The following DHX38 variants were observed in gnomAD, a reference collection of about 807,000 sequenced individuals.
The protein encoded by DHX38 is DEAH-box helicase 38, also known as pre-mRNA-splicing factor ATP-dependent RNA helicase PRP16.
DHX38 carries 100 observed loss-of-function variants against 153.1 expected under a neutral mutation model. The observed-to-expected ratio is 0.65, with a 90% CI of 0.56 to 0.77. The LOEUF is 0.77. DHX38 is among the 30% of genes least tolerant of loss of function. DHX38 has a pLI of 0.00. For missense variants in DHX38, 1,440 were observed against 1,654.0 expected (o/e 0.87, Z 2.24); for synonymous variants, 650 against 631.7 (o/e 1.03, Z -0.43).
rs1292750525 is a variant in DHX38, at chr16:72,107,799, G to C, written c.2964G>C (p.Lys988Asn). The change falls in exon 21 of 27, where the codon AAG becomes AAC. Residue 988 changes from lysine to asparagine, a missense_variant and splice_region_variant. Around this residue, in one of 6 missense-constraint regions of DHX38, gnomAD observed 543 missense variants for 717.9 expected, o/e 0.76. Transcript: ENST00000268482. The surrounding 1 kb of genome is among the most constrained non-coding windows in gnomAD (Gnocchi z 5.3). Reference protein sequence around the residue: ...LSVPAIFYRPKGREEESDQIR... With the variant: ...LSVPAIFYRPNGREEESDQIR... ...TCCCAGCCATCTTCTACAGGCCCAA[G>C]GTGGGGCAGCGGCTGGCTCCCCTCT... is the stretch of plus-strand genomic sequence containing the variant. 6.2e-7 allele frequency: 1 copy of C among 1,612,926 alleles called. No individual in the cohort carries two copies. Among genetic ancestry groups the C allele is most frequent in the Non-Finnish European group, 8.5e-7 (1 of 1,179,740 alleles).
Position 72,096,922 on chromosome 16 carries a change from C to T in DHX38, c.424C>T (p.His142Tyr), listed in dbSNP as rs2042028781. The T allele has an allele frequency of 6.2e-7, 1 of 1,613,978 alleles. No homozygotes were observed. Among genetic ancestry groups the T allele is most frequent in the Non-Finnish European group, 8.5e-7 (1 of 1,179,956 alleles). ...GCAGAGAGAGCGGGAGCGGCGGGAA[C>T]ATGGTGTCTATGCCTCGTCCAAAGA... ...SRQRERERRE[H>Y]GVYASSKEEK... Residue 142 changes from histidine (H) to tyrosine (Y), a missense_variant, in exon 3 of 27, where the codon CAT becomes TAT. By Grantham distance (83) the His-to-Tyr change is moderately conservative. This residue lies in a region of DHX38 where 483 missense variants were observed against 465.1 expected (regional missense o/e 1.04). Coordinates refer to ENST00000268482, the MANE Select transcript of DHX38 (RefSeq NM_014003.4).
rs74027812 is a variant in DHX38 at position 72,104,336 on chromosome 16, C to A, written c.2011-150C>A. The A allele has an allele frequency of 2.2e-3, 2,706 of 1,243,266 alleles. 26 individuals carry two copies. Among genetic ancestry groups the A allele is most frequent in the African/African-American group, 0.017 (1,143 of 66,150 alleles). The allele number at this position is 1,243,266 out of a possible 1,614,324, so 77.0% of individuals were successfully genotyped here. The stretch of plus-strand genomic sequence containing the variant: ...GCTTGGGGTTTTCTGGGCAGTGGCT[C>A]CATTGCTTCAGTCTTCATGATTGGT... On this transcript the variant is annotated intron_variant, in intron 14 of 26. Coordinates refer to ENST00000268482, the MANE Select transcript of DHX38 (RefSeq NM_014003.4). The surrounding 1 kb of genome is among the most constrained non-coding windows in gnomAD (Gnocchi z 4.5).
rs534084121 is a variant in DHX38, at chr16:72,104,456, T to C, written c.2011-30T>C. 1.9e-6 allele frequency: 3 copies of C among 1,611,144 alleles called. No homozygotes were observed. The highest frequency in any genetic ancestry group is 2.2e-5 in the East Asian group (1 of 44,850). ...GGACAGGAGCCAAGGGTCCCCACCA[T>C]GGGGGCCTCCGAGCCGCCTCTTCTC... On this transcript the variant is annotated intron_variant, in intron 14 of 26. Transcript: ENST00000268482. The surrounding 1 kb of genome is among the most constrained non-coding windows in gnomAD (Gnocchi z 4.5).
At chr16:72,105,436 T>C (rs551606076) in intron 17 of DHX38, 81 bp from the exon 18 acceptor site, 105 of 1,596,818 alleles carry the variant, frequency 6.6e-5, no homozygotes, top group Non-Finnish European at 8.4e-5. Flanking sequence ...GGGGGTGGGC[T>C]AGGAGGTAGG....
Position 72,096,218 on chromosome 16 carries a change from C to A in DHX38, c.61C>A (p.Gln21Lys). 6.2e-7 allele frequency: 1 copy of A among 1,614,078 alleles called. No homozygotes were observed. The highest frequency in any genetic ancestry group is 1.1e-5 in the South Asian group (1 of 91,076). Reference sequence around the variant, plus strand: ...ATTGGAAGGCACTGATCTGGACTGTCAGGTTGGTGGTCTTATTTGCAAGTC... The same window carrying A: ...ATTGGAAGGCACTGATCTGGACTGTAAGGTTGGTGGTCTTATTTGCAAGTC... ...HRLEGTDLDC[Q>K]VGGLICKSKS... The change falls in exon 2 of 27, where the codon CAG (glutamine) becomes AAG (lysine). Residue 21 changes from glutamine (Q) to lysine (K), a missense_variant. Coordinates refer to ENST00000268482, the MANE Select transcript of DHX38 (RefSeq NM_014003.4).
At position 72,108,559 on chromosome 16, in the gene DHX38, C is replaced by T; in HGVS notation, c.3207C>T (p.Val1069=). ...CGTGTGGCACTGACTGGGACATCGT[C>T]AGGAAGTGCATCTGTGCTGCCTATT... ...LASCGTDWDI[V]RKCICAAYFH... The change falls in exon 23 of 27, where the codon GTC becomes GTT. Residue 1069 remains valine (V), a synonymous_variant. Transcript: ENST00000268482. 6.2e-7 allele frequency: 1 copy of T among 1,614,156 alleles called. No homozygotes were observed. Among genetic ancestry groups the T allele is most frequent in the Non-Finnish European group, 8.5e-7 (1 of 1,180,032 alleles).
intron 4 of DHX38, 80 bp downstream of exon 4, chr16:72,097,861 T>G (rs2042043439): frequency 7.6e-7 from 1 of 1,324,344 alleles, no homozygotes; most frequent in Admixed American, 2.0e-5. Flanking sequence ...TCAGTGAGAT[T>G]GCTGAGGCAT....
chr16:72,107,923 T>C lies in DHX38; in HGVS notation c.2964+124T>C. On this transcript the variant is annotated intron_variant, in intron 21 of 26. Coordinates refer to ENST00000268482, the MANE Select transcript of DHX38 (RefSeq NM_014003.4). This position sits in a 1 kb window ranked among gnomAD's most constrained non-coding sequence, Gnocchi z 5.3. ...GAATCAGAGTTTCTGAAGAATGATT[T>C]TGCTGTTCTCGGTTAAGCAGGTTGG... The C allele has an allele frequency of 7.2e-7, 1 of 1,384,824 alleles. No individual in the cohort carries two copies. The highest frequency in any genetic ancestry group is 9.7e-7 in the Non-Finnish European group (1 of 1,035,806). 85.8% of individuals were successfully genotyped at this position (1,384,824 alleles called of 1,614,324 possible).
chr16:72,111,867 C>T (rs1219566496), intron 26 of DHX38, among the ~76,000 whole-genome samples: 2 of 152,228 alleles, frequency 1.3e-5, no homozygotes, highest in African/African-American at 4.8e-5. Flanking sequence ...CCCCCCTCCT[C>T]CCCAGAGGTG....
intron 3 of DHX38, 192 bp from the exon 4 acceptor site, chr16:72,097,485 A>G (rs376462739): frequency 2.4e-5 from 13 of 542,680 alleles, no homozygotes; most frequent in African/African-American, 1.1e-4. Flanking sequence ...TGGGTTTGAA[A>G]TTTTCTAGGC....
chr16:72,102,816 G>A (rs1416608132), intron 11 of DHX38, among the ~76,000 whole-genome samples: 3 of 152,220 alleles, frequency 2.0e-5, no homozygotes, highest in African/African-American at 7.2e-5. Flanking sequence ...CTAATATGGT[G>A]ATCTGTAAAT....
chr16:72,099,708 C>G, intron 7 of DHX38, 24 bp from the exon 8 acceptor site: 1 of 1,613,412 alleles, frequency 6.2e-7, no homozygotes, highest in Non-Finnish European at 8.5e-7. Flanking sequence ...CCCTCACTCC[C>G]TTGCTTTGCC....
At position 72,107,268 on chromosome 16, in the gene DHX38, T is replaced by C; in HGVS notation, c.2601-72T>C. 6.9e-7 allele frequency: 1 copy of C among 1,457,418 alleles called. No individual in the cohort carries two copies. Among genetic ancestry groups the C allele is most frequent in the South Asian group, 1.3e-5 (1 of 76,922 alleles). 90.3% of individuals were successfully genotyped at this position (1,457,418 alleles called of 1,614,324 possible). ...AAGAAATGAGAATTTCCTCCCTCCC[T>C]GTGGGATTTCATCTGTACTGGCTGC... On this transcript the variant is annotated intron_variant, in intron 19 of 26. Transcript: ENST00000268482. This position sits in a 1 kb window ranked among gnomAD's most constrained non-coding sequence, Gnocchi z 5.3.
rs757877528 is a variant in DHX38, at chr16:72,111,009, G to A, written c.3531G>A (p.Ala1177=). 2.3e-4 allele frequency: 358 copies of A among 1,585,716 alleles called. 1 individual carries two copies. The highest frequency in any genetic ancestry group is 2.8e-4 in the Non-Finnish European group (327 of 1,165,936). Residue 1177 remains alanine, a synonymous_variant, in exon 26 of 27, where the codon GCG becomes GCA. Coordinates refer to ENST00000268482, the MANE Select transcript of DHX38 (RefSeq NM_014003.4). The part of the protein sequence containing the change: ...EEASAMEEEM[A]LAEEQLRARR... The stretch of plus-strand genomic sequence containing the variant: ...CCTCTGCCATGGAGGAGGAGATGGC[G>A]CTGGCCGAGGAGCAGCTGCGAGCCC...
At position 72,103,615 on chromosome 16, in the gene DHX38, G is replaced by A. The variant is rs748565651; in HGVS notation, c.1651G>A (p.Val551Met). ...TTGTCCTTGTAGAGACAACAGCATC[G>A]TGATCGTGGTTGGGGAGACGGGGAG... The part of the protein sequence containing the change: ...LLTIIRDNSI[V>M]IVVGETGSGK... Residue 551 changes from valine (V) to methionine (M), a missense_variant, in exon 13 of 27, where the codon GTG becomes ATG. Physicochemically the swap from Val to Met is conservative, Grantham distance 21 (BLOSUM62 1). This residue lies in a region of DHX38 where 241 missense variants were observed against 229.5 expected (regional missense o/e 1.05). Transcript: ENST00000268482. 3.7e-6 allele frequency: 6 copies of A among 1,608,976 alleles called. No individual in the cohort carries two copies. The highest frequency in any genetic ancestry group is 5.1e-6 in the Non-Finnish European group (6 of 1,175,614).
At chr16:72,108,995 C>T (rs993931872) in intron 24 of DHX38, 70 bp downstream of exon 24, 2 of 1,521,190 alleles carry the variant, frequency 1.3e-6, no homozygotes, top group African/African-American at 1.4e-5. Context: ...CCCTTCACTG[C>T]GTTCTGGCAT....
At chr16:72,098,289 C>T (rs532685538) in intron 4 of DHX38, among the ~76,000 whole-genome samples, 22 of 152,036 alleles carry the variant, frequency 1.4e-4, no homozygotes, top group Admixed American at 5.9e-4. Flanking sequence ...AAAAATTAGC[C>T]TGGGGTGGTG....
Position 72,104,827 on chromosome 16 carries a change from C to A in DHX38, c.2152-200C>A, listed in dbSNP as rs562907494. 3.9e-5 allele frequency among the ~76,000 whole-genome samples: 6 copies of A among 152,266 alleles called. No individual in the cohort carries two copies. The East Asian group carries it at 5.8e-4, about 15-fold the overall frequency. On this transcript the variant is annotated intron_variant, in intron 15 of 26. Coordinates refer to ENST00000268482, the MANE Select transcript of DHX38 (RefSeq NM_014003.4). This position sits in a 1 kb window ranked among gnomAD's most constrained non-coding sequence, Gnocchi z 4.5. ...TGGGTGAGGTTTTGTTTCATTATTT[C>A]TTTGAGGCTGAAGTACAGGGCCCAG...
Position 72,111,090 on chromosome 16 carries a change from C to A in DHX38, c.3599+13C>A, listed in dbSNP as rs1203716535. 2 of 1,548,350 alleles carry A rather than the reference C, an allele frequency of 1.3e-6. No individual in the cohort carries two copies. The highest frequency in any genetic ancestry group is 2.7e-5 in the African/African-American group (2 of 73,136). ...TGGGCAGTGTCAGGTGAGCTCCGGC[C>A]TTCGGGCTCTGGCTGGGGTGGCACC... On this transcript the variant is annotated intron_variant, in intron 26 of 26. Transcript: ENST00000268482.
Sources: gnomAD v4.1 joint callset for allele counts (sites outside exome capture counted in the v4.1 genomes callset) on GRCh38, gnomAD v4.1.1 for gene constraint, gnomAD v4.1.1 regional missense constraint, Gnocchi (gnomAD v3.1) non-coding constraint, MANE v1.5 for transcripts, NCBI Gene and HGNC (gene_info 2026-07-23, HGNC 2026-07-21) for gene names.